The following DOCK4 variants were observed in gnomAD, a reference collection of about 807,000 sequenced individuals.
DOCK4 encodes dedicator of cytokinesis protein 4.
In DOCK4, 97 loss-of-function variants were observed where a neutral mutation model predicts 268.1. That is an observed-to-expected ratio of 0.36 (90% CI 0.31 to 0.43). The LOEUF (loss-of-function observed/expected upper bound fraction) is 0.43. Ranked by LOEUF, DOCK4 falls within the 20% of genes least tolerant of loss-of-function variation. The pLI, the probability that DOCK4 is intolerant of heterozygous loss-of-function variation, is 1.00. For missense variants in DOCK4, 2,145 were observed against 2,455.7 expected (o/e 0.87, Z 2.67); for synonymous variants, 954 against 887.2 (o/e 1.08, Z -1.34).
chr7:111,811,028 C>T (rs1366262235), intron 28 of DOCK4, among the ~76,000 whole-genome samples: 1 of 151,590 alleles, frequency 6.6e-6, no homozygotes, highest in Non-Finnish European at 1.5e-5. Flanking sequence ...AAAACAAAAC[C>T]AGAAACAAAA....
At chr7:111,946,130 A>T (rs1456477240) in intron 8 of DOCK4, among the ~76,000 whole-genome samples, 2 of 152,200 alleles carry the variant, frequency 1.3e-5, no homozygotes, top group Admixed American at 1.3e-4. Context: ...ATGACATAAC[A>T]TGTTTCATGT....
chr7:111,839,616 T>C (rs758328382), intron 25 of DOCK4, among the ~76,000 whole-genome samples: 8 of 152,226 alleles, frequency 5.3e-5, no homozygotes, highest in Non-Finnish European at 1.0e-4. Flanking sequence ...CAATAACTTA[T>C]AATCATGACA....
intron 11 of DOCK4, among the ~76,000 whole-genome samples, chr7:111,937,862 G>A (rs974253449): frequency 6.6e-6 from 1 of 152,190 alleles, no homozygotes; most frequent in African/African-American, 2.4e-5. Flanking sequence ...GTTCCCCTAT[G>A]AGTAAAACTG....
chr7:111,916,565 T>C (rs1362323903), intron 12 of DOCK4, among the ~76,000 whole-genome samples: 1 of 151,996 alleles, frequency 6.6e-6, no homozygotes, highest in African/African-American at 2.4e-5. Flanking sequence ...GTAGGAAAAA[T>C]TATTATTTTT....
chr7:111,876,889 A>G (rs1806935483), intron 17 of DOCK4, 141 bp downstream of exon 17: 1 of 821,830 alleles, frequency 1.2e-6, no homozygotes, highest in Non-Finnish European at 1.6e-6. Flanking sequence ...ATTTGCTTCC[A>G]TTTTACTAGA....
chr7:111,753,053 GA>G (rs1796793239), intron 42 of DOCK4, among the ~76,000 whole-genome samples: 1 of 145,822 alleles, frequency 6.9e-6, no homozygotes, highest in African/African-American at 2.5e-5. Flanking sequence ...AATTTCATCT[GA>G]AACCTTTGGT....
chr7:111,832,703 T>C (rs963291351), intron 26 of DOCK4, among the ~76,000 whole-genome samples: 8 of 152,072 alleles, frequency 5.3e-5, no homozygotes, highest in Non-Finnish European at 7.4e-5. Flanking sequence ...AATTTTTGTA[T>C]TTTTAGTAGA....
At chr7:112,029,205 G>A (rs542669946) in intron 1 of DOCK4, among the ~76,000 whole-genome samples, 5 of 152,276 alleles carry the variant, frequency 3.3e-5, no homozygotes, top group African/African-American at 1.2e-4. Flanking sequence ...CATTGTGAAT[G>A]TGCAAGTACA....
intron 48 of DOCK4, 26 bp downstream of exon 48, chr7:111,739,370 A>G: frequency 6.3e-7 from 1 of 1,594,502 alleles, no homozygotes; most frequent in African/African-American, 1.3e-5. Flanking sequence ...GGGCACCCTC[A>G]GTCTTCCCCA....
intron 1 of DOCK4, among the ~76,000 whole-genome samples, chr7:112,076,840 A>T (rs909498085): frequency 6.6e-6 from 1 of 152,148 alleles, no homozygotes; most frequent in South Asian, 2.1e-4. Context: ...TTTATTTTTC[A>T]GGAAAGAATA....
intron 3 of DOCK4, among the ~76,000 whole-genome samples, chr7:111,999,711 A>C (rs1335956922): frequency 6.6e-6 from 1 of 152,030 alleles, no homozygotes; most frequent in Non-Finnish European, 1.5e-5. Flanking sequence ...TTAAGGAAAA[A>C]GGCAAAAGTG....
chr7:112,163,325 C>G (rs1198511658), intron 1 of DOCK4, among the ~76,000 whole-genome samples: 1 of 152,084 alleles, frequency 6.6e-6, no homozygotes, highest in Non-Finnish European at 1.5e-5. Flanking sequence ...GCTCCACTCT[C>G]ATCAATGCCC....
chr7:112,049,448 A>G (rs1805150627), intron 1 of DOCK4, among the ~76,000 whole-genome samples: 1 of 152,162 alleles, frequency 6.6e-6, no homozygotes, highest in African/African-American at 2.4e-5. Flanking sequence ...AAATTGTACT[A>G]AAGAAGACAG....
chr7:111,825,897 T>C (rs1182199406), intron 26 of DOCK4, among the ~76,000 whole-genome samples: 2 of 152,236 alleles, frequency 1.3e-5, no homozygotes, highest in African/African-American at 2.4e-5. Context: ...ACAGTTGTTA[T>C]GATTTTAGAA....
At chr7:111,817,929 C>T (rs1317090750) in intron 27 of DOCK4, among the ~76,000 whole-genome samples, 1 of 152,180 alleles carries the variant, frequency 6.6e-6, no homozygotes, top group Non-Finnish European at 1.5e-5. Context: ...TGAAACAACA[C>T]TTGTCATGGT....
intron 13 of DOCK4, among the ~76,000 whole-genome samples, chr7:111,913,882 T>TAA (rs1487183709): frequency 1.3e-5 from 2 of 151,794 alleles, no homozygotes; most frequent in African/African-American, 4.8e-5. Flanking sequence ...ACCCCATCTC[T>TAA]AAAAAAGAAA....
intron 12 of DOCK4, among the ~76,000 whole-genome samples, chr7:111,925,404 G>A (rs1219321127): frequency 6.6e-6 from 1 of 152,174 alleles, no homozygotes; most frequent in East Asian, 1.9e-4. Flanking sequence ...GCAGAGGAAA[G>A]AAAGAAAGTC....
rs566058653 is a variant in DOCK4, at chr7:112,019,210, C to T, written c.38-15079G>A. On this transcript the variant is annotated intron_variant, in intron 1 of 52. Coordinates refer to ENST00000428084, the MANE Select transcript of DOCK4 (RefSeq NM_001363540.2). The stretch of plus-strand genomic sequence containing the variant: ...TTCAAAAATTAAATTGAGGATGAGA[C>T]ATATTGTTCCTTAGGTGTGCAAGAA... 5.9e-5 allele frequency among the ~76,000 whole-genome samples: 9 copies of T among 152,242 alleles called. No homozygotes were observed. The South Asian group carries it at 1.2e-3, about 21-fold the overall frequency.
At chr7:111,971,935 T>C (rs1797747866) in intron 8 of DOCK4, 1 of 167,780 alleles carries the variant, frequency 6.0e-6, no homozygotes, top group African/African-American at 2.4e-5. Context: ...ATCACTTTCT[T>C]GGCCTCCTGC....
Sources: gnomAD v4.1 joint callset for allele counts (sites outside exome capture counted in the v4.1 genomes callset) on GRCh38, gnomAD v4.1.1 for gene constraint, MANE v1.5 for transcripts, NCBI Gene and HGNC (gene_info 2026-07-23, HGNC 2026-07-21) for gene names.